Variants in GYPC observed in about 807,000 individuals in gnomAD.
The protein encoded by GYPC is glycophorin-C.
A neutral mutation model predicts 12.6 loss-of-function variants in GYPC; 14 were observed. The ratio of observed to expected loss-of-function variants is 1.11; its 90% confidence interval spans 0.74 to 1.74. The LOEUF (loss-of-function observed/expected upper bound fraction) is 1.74, where lower values mean the gene tolerates loss of function less well. Among genes scored for constraint, GYPC ranks in the 40% most tolerant of loss-of-function variants. GYPC has a pLI of 0.00. For missense variants in GYPC, 225 were observed against 172.1 expected, an observed-to-expected ratio of 1.31 and a Z score of -1.72; for synonymous variants, 78 against 62.1, an observed-to-expected ratio of 1.26 and a Z score of -1.20.
chr2:126,686,141 T>C, intron 1 of GYPC: 5 of 985,226 alleles, frequency 5.1e-6, no homozygotes, highest in Non-Finnish European at 6.0e-6. Context: ...CAGTGTCATC[T>C]GAAAATGCAA....
intron 1 of GYPC, among the ~76,000 whole-genome samples, chr2:126,689,351 C>G (rs190087336): frequency 2.2e-4 from 34 of 152,302 alleles, no homozygotes; most frequent in African/African-American, 7.5e-4. Context: ...GGGCCAATAA[C>G]ACCAGGCACC....
At chr2:126,675,742 C>G in intron 1 of GYPC, 2 of 950,180 alleles carry the variant, frequency 2.1e-6, no homozygotes, top group Non-Finnish European at 2.5e-6. Flanking sequence ...CTTTCCTCAC[C>G]CAAGCAGGTG....
chr2:126,659,063 G>A (rs534590605), intron 1 of GYPC, among the ~76,000 whole-genome samples: 1 of 152,176 alleles, frequency 6.6e-6, no homozygotes, highest in Non-Finnish European at 1.5e-5. Context: ...GGTCACACCG[G>A]TTTCTCATGC....
chr2:126,675,172 A>G (rs894019054), intron 1 of GYPC, among the ~76,000 whole-genome samples: 1 of 152,190 alleles, frequency 6.6e-6, no homozygotes, highest in African/African-American at 2.4e-5. Flanking sequence ...ACCCTTCGTC[A>G]TCAGAAACAT....
At chr2:126,692,453 G>C (rs1027638755) in intron 2 of GYPC, among the ~76,000 whole-genome samples, 19 of 152,154 alleles carry the variant, frequency 1.2e-4, no homozygotes, top group South Asian at 2.1e-4. Context: ...TGACCTCATA[G>C]CACTATAATT....
chr2:126,667,456 T>C (rs1019234020), intron 1 of GYPC, among the ~76,000 whole-genome samples: 1 of 149,300 alleles, frequency 6.7e-6, no homozygotes, highest in Admixed American at 6.8e-5. Context: ...CAGGCTGGGG[T>C]GCAGTGGCAT....
chr2:126,670,431 A>T (rs1257199951), intron 1 of GYPC, among the ~76,000 whole-genome samples: 4 of 152,228 alleles, frequency 2.6e-5, no homozygotes, highest in Non-Finnish European at 5.9e-5. Context: ...GCCATGAGCC[A>T]GTGAGGGTGG....
rs143600125 is a variant in GYPC at position 126,695,079 on chromosome 2, A to T, written c.191-867A>T. 9.4e-3 allele frequency among the ~76,000 whole-genome samples: 1,429 copies of T among 152,276 alleles called. 11 individuals carry two copies. Among genetic ancestry groups the T allele is most frequent in the Non-Finnish European group, 0.014 (963 of 68,016 alleles). ...CCTCCAGCAGATTCGCCCCGTCCTC[A>T]GTCCCCAGGAGGGAATGGGAGCAGG... On this transcript the variant is annotated intron_variant, in intron 3 of 3. Transcript: ENST00000259254.
chr2:126,657,847 G>C (rs1314687047), intron 1 of GYPC: 1 of 152,618 alleles, frequency 6.6e-6, no homozygotes, highest in Non-Finnish European at 1.5e-5. Flanking sequence ...ATTAGACTTC[G>C]GATTGATTTA....
chr2:126,677,902 C>T (rs1350642282), intron 1 of GYPC, among the ~76,000 whole-genome samples: 1 of 152,208 alleles, frequency 6.6e-6, no homozygotes, highest in Non-Finnish European at 1.5e-5. Context: ...CTGCCCCAAA[C>T]ATAGCTGTCC....
intron 1 of GYPC, among the ~76,000 whole-genome samples, chr2:126,673,842 T>A (rs1416315654): frequency 6.6e-6 from 1 of 152,078 alleles, no homozygotes; most frequent in Non-Finnish European, 1.5e-5. Context: ...ACAGGCACAC[T>A]GTTGGGAGAC....
intron 1 of GYPC, among the ~76,000 whole-genome samples, chr2:126,666,524 A>G (rs1682683079): frequency 6.6e-6 from 1 of 152,160 alleles, no homozygotes; most frequent in Non-Finnish European, 1.5e-5. Flanking sequence ...TTACACAACC[A>G]GGTTGCAATA....
chr2:126,681,791 A>AAAGAAAG (rs1553468751), intron 1 of GYPC, among the ~76,000 whole-genome samples: 1 of 109,888 alleles, frequency 9.1e-6, no homozygotes, highest in African/African-American at 2.8e-5. Context: ...AAAAAAAAAA[A>AAAGAAAG]AAAGAAAGAA....
chr2:126,656,543 C>A (rs1012150774), intron 1 of GYPC, among the ~76,000 whole-genome samples: 2 of 152,272 alleles, frequency 1.3e-5, no homozygotes, highest in African/African-American at 4.8e-5. Flanking sequence ...GCAGCCTCCA[C>A]GCGCTCCGAG....
intron 1 of GYPC, 129 bp downstream of exon 1, chr2:126,656,441 G>A (rs990633586): frequency 1.3e-6 from 1 of 749,270 alleles, no homozygotes; most frequent in Non-Finnish European, 2.2e-6. Context: ...GGCGGAGGAG[G>A]CGTCCGCTGG....
At chr2:126,664,762 C>T (rs1682631766) in intron 1 of GYPC, among the ~76,000 whole-genome samples, 1 of 152,228 alleles carries the variant, frequency 6.6e-6, no homozygotes, top group Non-Finnish European at 1.5e-5. Context: ...CCTGAATCTG[C>T]CCCTTGCTCC....
chr2:126,686,184 T>C (rs1683284092), intron 1 of GYPC: 7 of 984,716 alleles, frequency 7.1e-6, no homozygotes, highest in Non-Finnish European at 8.4e-6. Context: ...AACAGAGGAG[T>C]GTGACTTCCA....
Position 126,693,894 on chromosome 2 carries a change from A to G in GYPC, c.137A>G (p.Asp46Gly), listed in dbSNP as rs199797395. 3 of 1,612,538 alleles carry G rather than the reference A, an allele frequency of 1.9e-6. No individual in the cohort carries two copies. The highest frequency in any genetic ancestry group is 1.7e-5 in the Admixed American group (1 of 59,966). Residue 46 changes from aspartate (D) to glycine (G), a missense_variant, in exon 3 of 4, where the codon GAT (aspartate) becomes GGT (glycine). Transcript: ENST00000259254. ...EPDPGMSGWP[D>G]GRMETSTPTI... Reference sequence around the variant, plus strand: ...GATCCAGGGATGTCTGGATGGCCGGATGGCAGAATGGAGACCTCCACCCCC... The same window carrying G: ...GATCCAGGGATGTCTGGATGGCCGGGTGGCAGAATGGAGACCTCCACCCCC...
intron 1 of GYPC, chr2:126,686,071 G>A (rs1338636504): frequency 1.0e-6 from 1 of 985,126 alleles, no homozygotes; most frequent in African/African-American, 1.7e-5. Flanking sequence ...GGAGCCATAG[G>A]AGATGGGCCG....
Sources: allele counts gnomAD v4.1 joint callset (sites outside exome capture counted in the v4.1 genomes callset), GRCh38; gene constraint gnomAD v4.1.1; transcripts MANE v1.5; gene names NCBI Gene and HGNC (gene_info 2026-07-23, HGNC 2026-07-21).